The following SEC23B variants were observed in gnomAD, a reference collection of about 807,000 sequenced individuals.
SEC23B encodes SEC23 homolog B, COPII component.
Under a neutral mutation model 104.3 loss-of-function variants are expected in SEC23B, and 77 were observed. The ratio of observed to expected loss-of-function variants is 0.74; its 90% CI spans 0.61 to 0.89. The LOEUF is 0.89. Ranked by LOEUF, SEC23B falls within the 40% of genes least tolerant of loss-of-function variation. The pLI, the probability that SEC23B is intolerant of heterozygous loss-of-function variation, is 0.00. For missense variants in SEC23B, 885 were observed against 949.4 expected, an observed-to-expected ratio of 0.93 and a Z score of 0.89; for synonymous variants, 338 against 332.5, an observed-to-expected ratio of 1.02 and a Z score of -0.18.
chr20:18,532,162 T>C (rs1249815950), intron 10 of SEC23B, among the ~76,000 whole-genome samples: 1 of 152,258 alleles, frequency 6.6e-6, no homozygotes, highest in Non-Finnish European at 1.5e-5. Context: ...TAATCTTAAA[T>C]GCTTGAGGGT....
rs1345996793 is a variant in SEC23B at position 18,514,074 on chromosome 20, GTAT to G, written c.280-1569_280-1567del. Among the ~76,000 whole-genome samples, 7 of 152,174 alleles carry G rather than the reference GTAT, an allele frequency of 4.6e-5. No homozygotes were observed. The South Asian group carries it at 1.0e-3, about 23-fold the overall frequency. On this transcript the variant is annotated intron_variant, in intron 3 of 19. Transcript: ENST00000650089. ...ATGGTAAGTGCCATATAAGTATTTG[GTAT>G]TATTATGCTTACCTAAGATTGTCAC...
chr20:18,546,493 C>T (rs2060333252), intron 15 of SEC23B, among the ~76,000 whole-genome samples: 1 of 152,170 alleles, frequency 6.6e-6, no homozygotes, highest in African/African-American at 2.4e-5. Context: ...AGTAACTGCA[C>T]TCTGCATGAA....
At chr20:18,555,262 C>A in intron 19 of SEC23B, 89 bp downstream of exon 19, 1 of 1,105,776 alleles carries the variant, frequency 9.0e-7, no homozygotes, top group Non-Finnish European at 1.4e-6. Context: ...TCTCTTTTGG[C>A]CTGGAGACAG....
chr20:18,516,848 C>T (rs528834847), intron 4 of SEC23B, among the ~76,000 whole-genome samples: 18 of 152,020 alleles, frequency 1.2e-4, no homozygotes, highest in Non-Finnish European at 1.9e-4. Context: ...CCACCGCACC[C>T]GGCCACATTT....
At chr20:18,544,465 A>AG (rs1215862541) in intron 14 of SEC23B, among the ~76,000 whole-genome samples, 1 of 152,198 alleles carries the variant, frequency 6.6e-6, no homozygotes, top group African/African-American at 2.4e-5. Context: ...AGGGAAGGCA[A>AG]GGCTTGCTGA....
intron 1 of SEC23B, chr20:18,509,801 T>G (rs1474223177): frequency 6.6e-6 from 1 of 152,192 alleles, no homozygotes; most frequent in Non-Finnish European, 1.5e-5. Flanking sequence ...TTGGCCAGGC[T>G]GGTCTTGAAC....
chr20:18,536,678 C>T (rs1417495874), intron 12 of SEC23B, among the ~76,000 whole-genome samples: 2 of 149,294 alleles, frequency 1.3e-5, no homozygotes, highest in East Asian at 2.0e-4. Flanking sequence ...GGCAACAGAG[C>T]GAGACTCCAT....
chr20:18,545,246 AG>A (rs1410438229), intron 14 of SEC23B, among the ~76,000 whole-genome samples: 1 of 152,122 alleles, frequency 6.6e-6, no homozygotes, highest in African/African-American at 2.4e-5. Context: ...GTCCACAGTT[AG>A]GGGGAGGAGG....
chr20:18,549,789 T>A (rs1342013976), intron 16 of SEC23B, among the ~76,000 whole-genome samples: 1 of 151,968 alleles, frequency 6.6e-6, no homozygotes, highest in African/African-American at 2.4e-5. Context: ...GAGACCAGCC[T>A]GGCCAATGTG....
chr20:18,517,478 CTTCAGGCCATCTGGATGTATACG>C (rs2060039975), intron 4 of SEC23B, among the ~76,000 whole-genome samples: 1 of 152,160 alleles, frequency 6.6e-6, no homozygotes, highest in Non-Finnish European at 1.5e-5. Flanking sequence ...TTTTCAGTTG[CTTCAGGCCATCTGGATGTATACG>C]TGCAGGTCAT....
chr20:18,522,307 A>T (rs997376970), intron 4 of SEC23B, among the ~76,000 whole-genome samples: 3 of 152,192 alleles, frequency 2.0e-5, no homozygotes, highest in African/African-American at 7.2e-5. Flanking sequence ...GTGAATAATC[A>T]GGCAGGCGTC....
chr20:18,520,474 G>A (rs1047275124), intron 4 of SEC23B, among the ~76,000 whole-genome samples: 4 of 152,122 alleles, frequency 2.6e-5, no homozygotes, highest in Admixed American at 6.5e-5. Context: ...AGGATGCGAA[G>A]GAGGCTTTGA....
intron 15 of SEC23B, among the ~76,000 whole-genome samples, chr20:18,547,567 C>T (rs1450338821): frequency 6.6e-6 from 1 of 152,076 alleles, no homozygotes; most frequent in Non-Finnish European, 1.5e-5. Context: ...GTCCCTTTCT[C>T]CCCTGCACCA....
intron 19 of SEC23B, among the ~76,000 whole-genome samples, chr20:18,557,745 C>CTTT (rs11477198): frequency 7.7e-5 from 9 of 116,826 alleles, no homozygotes; most frequent in East Asian, 2.5e-4. Flanking sequence ...TTTTTCTTTT[C>CTTT]TTTTTTTTTT....
intron 7 of SEC23B, 144 bp downstream of exon 7, chr20:18,526,076 AT>A: frequency 9.5e-7 from 1 of 1,054,456 alleles, no homozygotes; most frequent in South Asian, 1.4e-5. Flanking sequence ...CATCATTATC[AT>A]TCACGTTGAG....
intron 11 of SEC23B, among the ~76,000 whole-genome samples, chr20:18,533,702 G>A (rs757617371): frequency 3.3e-5 from 5 of 152,188 alleles, no homozygotes; most frequent in Non-Finnish European, 5.9e-5. Flanking sequence ...CTTGGCAGAG[G>A]CAAGGTGATT....
In SEC23B at chr20:18,513,498, T is replaced by C. The variant is rs111556595; in HGVS notation, c.279+1216T>C. 8.0e-3 allele frequency among the ~76,000 whole-genome samples: 1,215 copies of C among 152,334 alleles called. 8 individuals carry two copies. The highest frequency in any genetic ancestry group is 0.014 in the Middle Eastern group (4 of 294). Reference sequence around the variant, plus strand: ...CGTAAACTATACCTCAATAAAGTTGTTAGAAAAAATTTGTGTCCAGCATAG... The same window carrying C: ...CGTAAACTATACCTCAATAAAGTTGCTAGAAAAAATTTGTGTCCAGCATAG... On this transcript the variant is annotated intron_variant, in intron 3 of 19. Coordinates refer to ENST00000650089, the MANE Select transcript of SEC23B (RefSeq NM_006363.6).
intron 10 of SEC23B, among the ~76,000 whole-genome samples, chr20:18,531,652 CAAAAAAAAAA>C (rs11482973): frequency 1.0e-5 from 1 of 99,514 alleles, no homozygotes; most frequent in African/African-American, 4.3e-5. Context: ...GAAACTGTCT[CAAAAAAAAAA>C]AAAAAAAAAG....
rs767346154 is a variant in SEC23B, at chr20:18,560,633, T to C, written c.2215-18T>C. On this transcript the variant is annotated intron_variant, in intron 19 of 19. Transcript: ENST00000650089. ...CTTCTAAGATATCTGCCAACTAATC[T>C]TTATCATTACATTTCAGGAAACTGG... is the stretch of plus-strand genomic sequence containing the variant. 1.9e-6 allele frequency: 3 copies of C among 1,597,848 alleles called. No individual in the cohort carries two copies. Among genetic ancestry groups the C allele is most frequent in the Non-Finnish European group, 2.6e-6 (3 of 1,165,174 alleles).
Sources: allele counts gnomAD v4.1 joint callset (sites outside exome capture counted in the v4.1 genomes callset), GRCh38; gene constraint gnomAD v4.1.1; transcripts MANE v1.5; gene names NCBI Gene and HGNC (gene_info 2026-07-23, HGNC 2026-07-21).